NEO1: variants seen among roughly 807,000 people sequenced by gnomAD.
NEO1 encodes neogenin 1, also known as neogenin.
Under a neutral mutation model 159.7 loss-of-function variants are expected in NEO1, and 63 were observed. That is an observed-to-expected ratio of 0.39 (90% CI 0.32 to 0.49). NEO1 has a LOEUF of 0.49. Among genes scored for constraint, NEO1 ranks in the 20% least tolerant of loss-of-function variants. The pLI, the probability that NEO1 is intolerant of heterozygous loss-of-function variation, is 0.85. For missense variants in NEO1, 1,615 were observed against 1,831.0 expected, an observed-to-expected ratio of 0.88 and a Z score of 2.15; for synonymous variants, 633 against 662.0, an observed-to-expected ratio of 0.96 and a Z score of 0.67.
intron 7 of NEO1, among the ~76,000 whole-genome samples, chr15:73,225,780 G>T (rs952026486): frequency 1.3e-5 from 2 of 152,068 alleles, no homozygotes; most frequent in Admixed American, 1.3e-4. Flanking sequence ...CACCTGATTC[G>T]CACCCTTTCC....
chr15:73,062,059 T>C (rs541042774), intron 1 of NEO1, among the ~76,000 whole-genome samples: 1 of 152,348 alleles, frequency 6.6e-6, no homozygotes, highest in South Asian at 2.1e-4. Context: ...TGTGGAATTG[T>C]AGGGCAAGAG....
At chr15:73,126,786 T>G (rs1037405715) in intron 4 of NEO1, among the ~76,000 whole-genome samples, 2 of 152,232 alleles carry the variant, frequency 1.3e-5, no homozygotes, top group Admixed American at 1.3e-4. Context: ...ATTATTCCCT[T>G]TGTTCCTGTT....
At chr15:73,063,567 T>G (rs558434971) in intron 1 of NEO1, among the ~76,000 whole-genome samples, 1 of 152,290 alleles carries the variant, frequency 6.6e-6, no homozygotes, top group South Asian at 2.1e-4. Context: ...TCAGCTAAGT[T>G]TCTTAAGACT....
intron 1 of NEO1, among the ~76,000 whole-genome samples, chr15:73,069,375 G>A (rs4777582): frequency 0.54 from 81,744 of 151,304 alleles, 22,377 homozygotes; most frequent in Middle Eastern, 0.59. Context: ...TTATATACCT[G>A]TTATTGAGGC....
intron 7 of NEO1, among the ~76,000 whole-genome samples, chr15:73,198,867 G>T (rs900708467): frequency 6.6e-6 from 1 of 151,612 alleles, no homozygotes; most frequent in Non-Finnish European, 1.5e-5. Context: ...AAATTATGAA[G>T]ATAATACAGA....
chr15:73,122,217 A>G (rs891399773), intron 2 of NEO1, among the ~76,000 whole-genome samples: 4 of 151,276 alleles, frequency 2.6e-5, no homozygotes, highest in Non-Finnish European at 5.9e-5. Flanking sequence ...CTATGATTAT[A>G]TAAAACCATG....
intron 1 of NEO1, among the ~76,000 whole-genome samples, chr15:73,070,682 A>G (rs1464811388): frequency 6.6e-6 from 1 of 152,138 alleles, no homozygotes; most frequent in Non-Finnish European, 1.5e-5. Context: ...GTACATACAT[A>G]TGGCAAAGTT....
chr15:73,108,593 C>T (rs546788614), intron 1 of NEO1, among the ~76,000 whole-genome samples: 2 of 151,862 alleles, frequency 1.3e-5, no homozygotes, highest in South Asian at 4.2e-4. Flanking sequence ...CATGGCAAGA[C>T]GGGTCATTTT....
intron 5 of NEO1, among the ~76,000 whole-genome samples, chr15:73,141,153 C>G (rs1427680380): frequency 6.6e-6 from 1 of 152,012 alleles, no homozygotes; most frequent in African/African-American, 2.4e-5. Flanking sequence ...TGAGCCCTGT[C>G]CCATAATTGA....
chr15:73,106,624 C>T (rs961315648), intron 1 of NEO1, among the ~76,000 whole-genome samples: 1 of 152,102 alleles, frequency 6.6e-6, no homozygotes, highest in Non-Finnish European at 1.5e-5. Flanking sequence ...ATGGTGGTTA[C>T]AATCTTGGGC....
intron 7 of NEO1, among the ~76,000 whole-genome samples, chr15:73,190,361 G>A (rs569184959): frequency 1.7e-3 from 259 of 152,228 alleles, no homozygotes; most frequent in Non-Finnish European, 2.9e-3. Context: ...AAAGGAAGAA[G>A]GATTCATGAA....
intron 26 of NEO1, among the ~76,000 whole-genome samples, chr15:73,295,379 T>G (rs2042323355): frequency 6.6e-6 from 1 of 151,754 alleles, no homozygotes; most frequent in Non-Finnish European, 1.5e-5. Flanking sequence ...CCAAGGAATC[T>G]CACATGCTAG....
intron 1 of NEO1, among the ~76,000 whole-genome samples, chr15:73,082,133 C>T (rs2069092244): frequency 7.3e-6 from 1 of 137,096 alleles, no homozygotes. Context: ...CTCGGCCTCC[C>T]AGAGTGCTGG....
intron 7 of NEO1, among the ~76,000 whole-genome samples, chr15:73,182,719 C>T (rs919881254): frequency 6.6e-6 from 1 of 152,026 alleles, no homozygotes; most frequent in African/African-American, 2.4e-5. Context: ...CCACAAGAAC[C>T]GTATGGGGAG....
chr15:73,096,157 G>GA lies in NEO1; in HGVS notation c.131-20377dup, dbSNP rs555548010. Among the ~76,000 whole-genome samples the GA allele has an allele frequency of 3.8e-4, 58 of 152,070 alleles. 1 individual carries two copies. The highest frequency in any genetic ancestry group is 1.4e-3 in the African/African-American group (57 of 41,498). On this transcript the variant is annotated intron_variant, in intron 1 of 28. Transcript: ENST00000261908. Reference sequence around the variant, plus strand: ...CAGATCATCTACATCCATTTGCAAGGAAAAAATTCATCTTGTTCATGTCCT... The same window carrying GA: ...CAGATCATCTACATCCATTTGCAAGGAAAAAAATTCATCTTGTTCATGTCCT...
At position 73,301,401 on chromosome 15, in the gene NEO1, G is replaced by A; in HGVS notation, c.4246G>A (p.Val1416Ile). 6.2e-7 allele frequency: 1 copy of A among 1,614,194 alleles called. No homozygotes were observed. The highest frequency in any genetic ancestry group is 8.5e-7 in the Non-Finnish European group (1 of 1,180,042). Reference protein sequence around the residue: ...GRSRPPMPVVVPSAPEVQETT... With the variant: ...GRSRPPMPVVIPSAPEVQETT... ...GAGCCGGCCTCCTATGCCAGTGGTT[G>A]TTCCCAGTGCCCCTGAAGTGCAGGA... is the stretch of plus-strand genomic sequence containing the variant. Residue 1416 changes from valine to isoleucine, a missense_variant, in exon 28 of 29, where the codon GTT (valine) becomes ATT (isoleucine). This residue lies in a region of NEO1 where 471 missense variants were observed against 498.9 expected (regional missense o/e 0.94). Transcript: ENST00000261908.
chr15:73,224,785 C>CTGCA (rs889626654), intron 7 of NEO1, among the ~76,000 whole-genome samples: 1 of 152,046 alleles, frequency 6.6e-6, no homozygotes, highest in Non-Finnish European at 1.5e-5. Context: ...AATTAACCTC[C>CTGCA]TGCATTCTTT....
intron 8 of NEO1, among the ~76,000 whole-genome samples, chr15:73,241,863 T>G (rs1417164061): frequency 2.6e-5 from 4 of 152,226 alleles, no homozygotes. Flanking sequence ...TATAGAAATT[T>G]GATGTGGGTA....
intron 5 of NEO1, among the ~76,000 whole-genome samples, chr15:73,151,480 A>G (rs541903376): frequency 6.6e-6 from 1 of 152,318 alleles, no homozygotes; most frequent in Non-Finnish European, 1.5e-5. Context: ...ACTGCTATGA[A>G]GGAATACCCA....
Sources: allele counts gnomAD v4.1 joint callset (sites outside exome capture counted in the v4.1 genomes callset), GRCh38; gene constraint gnomAD v4.1.1; regional missense constraint gnomAD v4.1.1; transcripts MANE v1.5; gene names NCBI Gene and HGNC (gene_info 2026-07-23, HGNC 2026-07-21).